The following SP100 variants were observed in gnomAD, a reference collection of about 807,000 sequenced individuals.
SP100 encodes the protein nuclear autoantigen Sp-100.
A neutral mutation model predicts 130.0 loss-of-function variants in SP100; 84 were observed. That is an observed-to-expected ratio of 0.65 (90% confidence interval 0.54 to 0.77). The LOEUF (loss-of-function observed/expected upper bound fraction) is 0.77. Ranked by LOEUF, SP100 falls within the 30% of genes least tolerant of loss-of-function variation. The pLI, the probability that SP100 is intolerant of heterozygous loss-of-function variation, is 0.00. For missense variants in SP100, 978 were observed against 1,052.2 expected, an observed-to-expected ratio of 0.93 and a Z score of 0.97; for synonymous variants, 331 against 351.7, an observed-to-expected ratio of 0.94 and a Z score of 0.66.
At chr2:230,513,907 C>T (rs571590081) in intron 24 of SP100, among the ~76,000 whole-genome samples, 52 of 152,302 alleles carry the variant, frequency 3.4e-4, no homozygotes, top group African/African-American at 1.2e-3. Context: ...ACTGCAATGA[C>T]TTTTTTGCAC....
At chr2:230,474,009 A>C (rs2065408752) in intron 16 of SP100, among the ~76,000 whole-genome samples, 1 of 152,082 alleles carries the variant, frequency 6.6e-6, no homozygotes, top group African/African-American at 2.4e-5. Flanking sequence ...TCAGATACCT[A>C]CTCTTATGCT....
At chr2:230,516,107 T>A in intron 24 of SP100, 1 of 962,398 alleles carries the variant, frequency 1.0e-6, no homozygotes, top group Non-Finnish European at 1.2e-6. Flanking sequence ...ATGAGGGAAC[T>A]GTGTAGACAA....
At chr2:230,517,617 T>G (rs2150092401) in intron 24 of SP100, among the ~76,000 whole-genome samples, 1 of 151,984 alleles carries the variant, frequency 6.6e-6, no homozygotes, top group South Asian at 2.1e-4. Flanking sequence ...CACAAAAAAT[T>G]AACCAGGCAT....
chr2:230,475,448 T>C (rs1006353215), intron 17 of SP100, among the ~76,000 whole-genome samples: 5 of 152,178 alleles, frequency 3.3e-5, no homozygotes, highest in Non-Finnish European at 2.9e-5. Context: ...ACCTTCGTTA[T>C]ATGCACAGTT....
rs115131442 is a variant in SP100 at position 230,422,902 on chromosome 2, T to C, written c.107+5237T>C. ...GTTGTGGGATTTTACCTCACGTGTT[T>C]ATAAGCAACTTTGTGACCTACAATT... is the stretch of plus-strand genomic sequence containing the variant. On this transcript the variant is annotated intron_variant, in intron 2 of 28. Coordinates refer to ENST00000340126, the MANE Select transcript of SP100 (RefSeq NM_001080391.2). Among the ~76,000 whole-genome samples, 782 of 152,360 alleles carry C rather than the reference T, an allele frequency of 5.1e-3. 5 individuals are homozygous for C. Among genetic ancestry groups the C allele is most frequent in the African/African-American group, 0.018 (738 of 41,586 alleles).
chr2:230,515,420 G>A, intron 24 of SP100: 1 of 1,613,798 alleles, frequency 6.2e-7, no homozygotes, highest in Non-Finnish European at 8.5e-7. Flanking sequence ...GCAGGGATGT[G>A]GAATAACACC....
At chr2:230,535,088 C>T (rs1437116045) in intron 24 of SP100, among the ~76,000 whole-genome samples, 4 of 151,904 alleles carry the variant, frequency 2.6e-5, no homozygotes, top group African/African-American at 4.8e-5. Flanking sequence ...CCCAGCTACT[C>T]GGGAGTCTGA....
chr2:230,420,205 A>T (rs2062729024), intron 2 of SP100, among the ~76,000 whole-genome samples: 1 of 152,178 alleles, frequency 6.6e-6, no homozygotes, highest in Non-Finnish European at 1.5e-5. Flanking sequence ...TGCTGGCATA[A>T]GGGAAATCTA....
At position 230,474,459 on chromosome 2, in the gene SP100, T is replaced by C; in HGVS notation, c.1600+12T>C. On this transcript the variant is annotated intron_variant, in intron 17 of 28. Transcript: ENST00000340126. The stretch of plus-strand genomic sequence containing the variant: ...CAGTGGGAAAAGAAGTAAGAACAAA[T>C]AAGAATTTACTTAATTTTTATGTTA... The C allele has an allele frequency of 8.0e-7, 1 of 1,243,662 alleles. No homozygotes were observed. Among genetic ancestry groups the C allele is most frequent in the Non-Finnish European group, 1.2e-6 (1 of 857,854 alleles). 77.0% of individuals were successfully genotyped at this position (1,243,662 alleles called of 1,614,324 possible).
intron 2 of SP100, among the ~76,000 whole-genome samples, chr2:230,438,688 T>A (rs541176732): frequency 8.0e-6 from 1 of 124,974 alleles, no homozygotes; most frequent in Non-Finnish European, 1.8e-5. Flanking sequence ...CACACACACA[T>A]ATGGTATATA....
At chr2:230,469,709 T>C in intron 14 of SP100, 1 of 1,212,322 alleles carries the variant, frequency 8.2e-7, no homozygotes, top group Non-Finnish European at 1.1e-6. Flanking sequence ...GACAAGCATA[T>C]ATTGCTTTCT....
chr2:230,511,095 T>C (rs760815305), intron 23 of SP100, 30 bp from the exon 24 acceptor site: 56 of 1,500,570 alleles, frequency 3.7e-5, no homozygotes, highest in Non-Finnish European at 4.9e-5. Flanking sequence ...ACACTCAATA[T>C]TGTACCAATC....
intron 24 of SP100, among the ~76,000 whole-genome samples, chr2:230,521,268 C>T (rs999246484): frequency 1.3e-5 from 2 of 152,108 alleles, no homozygotes; most frequent in African/African-American, 4.8e-5. Context: ...TTGAGCCCCC[C>T]AGTTTTGAAA....
intron 8 of SP100, among the ~76,000 whole-genome samples, chr2:230,460,405 G>A (rs2064525786): frequency 6.7e-6 from 1 of 149,958 alleles, no homozygotes; most frequent in African/African-American, 2.4e-5. Flanking sequence ...TATATATATT[G>A]AGAGAGAGGT....
At chr2:230,511,271 G>T (rs1690567388) in intron 24 of SP100, 105 bp downstream of exon 24, 4 of 839,622 alleles carry the variant, frequency 4.8e-6, no homozygotes, top group Non-Finnish European at 8.3e-6. Context: ...CTCAGTTGGA[G>T]TATGTTGCTG....
Position 230,485,824 on chromosome 2 carries a change from G to A in SP100, c.1601-8592G>A, listed in dbSNP as rs143250424. ...TTACTTTTATTGATAGAACCAAGAC[G>A]TTTGATCTTGTTTTAGTCACATTGG... On this transcript the variant is annotated intron_variant, in intron 17 of 28. Transcript: ENST00000340126. Among the ~76,000 whole-genome samples, 93 of 152,180 alleles carry A rather than the reference G, an allele frequency of 6.1e-4. No individual in the cohort carries two copies. The East Asian group carries it at 0.015, about 25-fold the overall frequency.
At chr2:230,427,582 C>T (rs62193374) in intron 2 of SP100, among the ~76,000 whole-genome samples, 15,858 of 152,178 alleles carry the variant, frequency 0.1, 872 homozygotes, top group Admixed American at 0.11. Flanking sequence ...TAAGAACTTA[C>T]TATTGCCACT....
intron 2 of SP100, among the ~76,000 whole-genome samples, chr2:230,433,265 C>G (rs925786097): frequency 6.6e-6 from 1 of 152,136 alleles, no homozygotes; most frequent in Non-Finnish European, 1.5e-5. Context: ...CTATCTTTTC[C>G]TCATTTAATT....
Position 230,504,044 on chromosome 2 carries a change from G to A in SP100, c.1766-142G>A, listed in dbSNP as rs546630010. Reference sequence around the variant, plus strand: ...AGCTATCTAATGTGCCATGAAAGAAGGACTTTGAAATGTAACTGATTCATG... The same window carrying A: ...AGCTATCTAATGTGCCATGAAAGAAAGACTTTGAAATGTAACTGATTCATG... On this transcript the variant is annotated intron_variant, in intron 20 of 28. Transcript: ENST00000340126. 153 of 576,846 alleles carry A rather than the reference G, an allele frequency of 2.7e-4. No individual in the cohort carries two copies. The African/African-American group carries it at 2.7e-3, about 10-fold the overall frequency. The allele number at this position is 576,846 out of a possible 1,614,324, so 35.7% of individuals were successfully genotyped here. A position where few individuals can be genotyped will look rare whatever the true frequency, so the allele number is the denominator to read the frequency against.
Sources: allele counts gnomAD v4.1 joint callset (sites outside exome capture counted in the v4.1 genomes callset), GRCh38; gene constraint gnomAD v4.1.1; transcripts MANE v1.5; gene names NCBI Gene and HGNC (gene_info 2026-07-23, HGNC 2026-07-21).